Variants in PLGRKT observed in about 807,000 individuals in gnomAD.
The protein encoded by PLGRKT is plasminogen receptor (KT).
A neutral mutation model predicts 18.5 loss-of-function variants in PLGRKT; 22 were observed. The observed-to-expected ratio is 1.19, with a 90% confidence interval of 0.85 to 1.70. PLGRKT has a LOEUF of 1.70. PLGRKT is among the 40% of genes most tolerant of loss of function. PLGRKT has a pLI of 0.00. For synonymous variants in PLGRKT, 72 were observed against 52.8 expected, an observed-to-expected ratio of 1.36 and a Z score of -1.58; for missense variants, 235 against 174.4, an observed-to-expected ratio of 1.35 and a Z score of -1.96.
rs538791288 is a variant in PLGRKT at position 5,360,995 on chromosome 9, A to G, written c.322+83T>C. 80 of 755,112 alleles carry G rather than the reference A, an allele frequency of 1.1e-4. No individual in the cohort carries two copies. The African/African-American group carries it at 1.2e-3, about 12-fold the overall frequency. 46.8% of individuals were successfully genotyped at this position (755,112 alleles called of 1,614,324 possible). A position where few individuals can be genotyped will look rare whatever the true frequency, so the allele number is the denominator to read the frequency against. ...AAGAGAGAGTCTTGTCAGAATCTTTATAAGTCAAAGGTTCCTAAGGCAGGG... is the reference window on the plus strand; with the variant it reads ...AAGAGAGAGTCTTGTCAGAATCTTTGTAAGTCAAAGGTTCCTAAGGCAGGG... On this transcript the variant is annotated intron_variant, in intron 5 of 5. Coordinates refer to ENST00000223864, the MANE Select transcript of PLGRKT (RefSeq NM_018465.4).
At chr9:5,385,734 T>C (rs1817830414) in intron 3 of PLGRKT, among the ~76,000 whole-genome samples, 1 of 151,790 alleles carries the variant, frequency 6.6e-6, no homozygotes, top group African/African-American at 2.4e-5. Flanking sequence ...ATTTGTGGTC[T>C]ATTTTTGAGA....
In PLGRKT at chr9:5,418,815, G is replaced by C; in HGVS notation, c.81+13082C>G. ...AGTCAGGGGGCAGCTTGGTGACACC[G>C]CTGCACCAGGGGCATCGCACATCCT... On this transcript the variant is annotated intron_variant, in intron 3 of 5. Transcript: ENST00000223864. The surrounding 1 kb of genome is among the most constrained non-coding windows in gnomAD (Gnocchi z 4.2). 2.1e-6 allele frequency: 2 copies of C among 961,026 alleles called. No homozygotes were observed. Among genetic ancestry groups the C allele is most frequent in the Non-Finnish European group, 3.3e-6 (2 of 603,566 alleles). 59.5% of individuals were successfully genotyped at this position (961,026 alleles called of 1,614,324 possible).
chr9:5,382,162 A>T, intron 3 of PLGRKT: 1 of 298,336 alleles, frequency 3.4e-6, no homozygotes, highest in Non-Finnish European at 5.0e-6. Flanking sequence ...CTCACTTGCC[A>T]TCCATTCATG....
intron 3 of PLGRKT, among the ~76,000 whole-genome samples, chr9:5,365,015 T>G (rs1394514053): frequency 6.6e-6 from 1 of 152,176 alleles, no homozygotes; most frequent in Non-Finnish European, 1.5e-5. Context: ...GTACATACAT[T>G]TTCTCAGCTC....
chr9:5,433,627 G>A (rs1291421116), intron 2 of PLGRKT, among the ~76,000 whole-genome samples: 1 of 148,128 alleles, frequency 6.8e-6, no homozygotes, highest in Non-Finnish European at 1.5e-5. Flanking sequence ...TCTGGGATGT[G>A]AGGAGCGCCT....
intron 3 of PLGRKT, among the ~76,000 whole-genome samples, chr9:5,372,631 T>C (rs1015719716): frequency 1.3e-5 from 2 of 152,182 alleles, no homozygotes; most frequent in East Asian, 1.9e-4. Flanking sequence ...GGACTAAATA[T>C]TGAAATGTCA....
At chr9:5,386,416 C>T (rs1817844158) in intron 3 of PLGRKT, among the ~76,000 whole-genome samples, 1 of 151,858 alleles carries the variant, frequency 6.6e-6, no homozygotes, top group African/African-American at 2.4e-5. Context: ...ATGATTGTCA[C>T]AATTGAAGTA....
chr9:5,434,442 G>A (rs182785743), intron 2 of PLGRKT, among the ~76,000 whole-genome samples: 2,047 of 142,408 alleles, frequency 0.014, 60 homozygotes, highest in African/African-American at 0.051. Flanking sequence ...ACCTCTGCCC[G>A]GCCGCCGCCC....
chr9:5,426,777 A>T (rs1818710211), intron 3 of PLGRKT, among the ~76,000 whole-genome samples: 1 of 152,124 alleles, frequency 6.6e-6, no homozygotes, highest in Non-Finnish European at 1.5e-5. Flanking sequence ...ATGAGGTACC[A>T]TCTCCTTCCA....
intron 3 of PLGRKT, among the ~76,000 whole-genome samples, chr9:5,366,035 G>C (rs1191478993): frequency 6.6e-6 from 1 of 151,992 alleles, no homozygotes; most frequent in African/African-American, 2.4e-5. Context: ...AAGATATTTT[G>C]ATCTATAATG....
In PLGRKT at chr9:5,361,185, G is replaced by C. The variant is rs201380094; in HGVS notation, c.215C>G (p.Ala72Gly). 3 of 1,577,020 alleles carry C rather than the reference G, an allele frequency of 1.9e-6. No homozygotes were observed. Among genetic ancestry groups the C allele is most frequent in the Non-Finnish European group, 2.6e-6 (3 of 1,149,780 alleles). The change falls in exon 5 of 6, where the codon GCG becomes GGG. Residue 72 changes from alanine to glycine, a missense_variant and splice_region_variant. Transcript: ENST00000223864. Reference sequence around the variant, plus strand: ...GAAGGCTGGCTTCTTTTTTTTAATCGCTCTGTTTCAAGAATTAAAAGAAGA... The same window carrying C: ...GAAGGCTGGCTTCTTTTTTTTAATCCCTCTGTTTCAAGAATTAAAAGAAGA... ...GLAAISLTAGAIKKKKPAFLV... is the reference protein window; with the variant it reads ...GLAAISLTAGGIKKKKPAFLV...
intron 3 of PLGRKT, among the ~76,000 whole-genome samples, chr9:5,386,522 C>T (rs1817847057): frequency 6.6e-6 from 1 of 151,854 alleles, no homozygotes; most frequent in Non-Finnish European, 1.5e-5. Flanking sequence ...ACAATTTTCA[C>T]TTCCAAATGT....
chr9:5,403,019 C>T (rs979894758), intron 3 of PLGRKT, among the ~76,000 whole-genome samples: 33 of 151,736 alleles, frequency 2.2e-4, no homozygotes, highest in African/African-American at 7.8e-4. Flanking sequence ...ATAGTATTCT[C>T]CCCTGGATAA....
At chr9:5,368,834 C>T (rs1817452970) in intron 3 of PLGRKT, among the ~76,000 whole-genome samples, 1 of 152,208 alleles carries the variant, frequency 6.6e-6, no homozygotes, top group East Asian at 1.9e-4. Flanking sequence ...TTTGACAAAC[C>T]TGACAAAAAC....
chr9:5,396,996 C>T (rs1477252460), intron 3 of PLGRKT, among the ~76,000 whole-genome samples: 1 of 151,982 alleles, frequency 6.6e-6, no homozygotes, highest in East Asian at 1.9e-4. Flanking sequence ...TAAGACTATT[C>T]TACTAAAGCA....
At chr9:5,371,986 C>CTTTTTTTTTGTTTTTTTTTTTT (rs1817527516) in intron 3 of PLGRKT, among the ~76,000 whole-genome samples, 1 of 89,152 alleles carries the variant, frequency 1.1e-5, no homozygotes, top group Non-Finnish European at 2.1e-5. Flanking sequence ...TCAGAAAATC[C>CTTTTTTTTTGTTTTTTTTTTTT]TTTTTTTTTT....
rs79426602 is a variant in PLGRKT, at chr9:5,429,006, G to C, written c.81+2891C>G. ...TGTGAGTCATCATGCTTGATCACAT[G>C]TATATTGTGACTAGGTGGGGGAAAG... is the stretch of plus-strand genomic sequence containing the variant. On this transcript the variant is annotated intron_variant, in intron 3 of 5. Transcript: ENST00000223864. Among the ~76,000 whole-genome samples the C allele has an allele frequency of 1.2e-4, 19 of 152,276 alleles. No individual in the cohort carries two copies. The East Asian group carries it at 3.7e-3, about 29-fold the overall frequency.
intron 3 of PLGRKT, among the ~76,000 whole-genome samples, chr9:5,362,402 G>A (rs766068347): frequency 2.6e-5 from 4 of 152,026 alleles, no homozygotes; most frequent in East Asian, 1.9e-4. Flanking sequence ...CATTTTTCTC[G>A]CCTCAAGTTC....
At chr9:5,395,250 C>A (rs1323557207) in intron 3 of PLGRKT, among the ~76,000 whole-genome samples, 2 of 151,844 alleles carry the variant, frequency 1.3e-5, no homozygotes, top group African/African-American at 4.9e-5. Context: ...ATTAAGCTGA[C>A]AAACTTTTAT....
Sources: allele counts gnomAD v4.1 joint callset (sites outside exome capture counted in the v4.1 genomes callset), GRCh38; gene constraint gnomAD v4.1.1; non-coding constraint Gnocchi (gnomAD v3.1); transcripts MANE v1.5; gene names NCBI Gene and HGNC (gene_info 2026-07-23, HGNC 2026-07-21).